The following SORCS2 variants were observed in gnomAD, a reference collection of about 807,000 sequenced individuals.
SORCS2 encodes VPS10 domain-containing receptor SorCS2.
SORCS2 carries 100 observed loss-of-function variants against 141.6 expected under a neutral mutation model. The ratio of observed to expected loss-of-function variants is 0.71; its 90% CI spans 0.60 to 0.83. The LOEUF (loss-of-function observed/expected upper bound fraction) is 0.83. SORCS2 is among the 40% of genes least tolerant of loss of function. SORCS2 has a pLI of 0.00. For synonymous variants in SORCS2, 789 were observed against 676.9 expected (o/e 1.17, Z -2.57); for missense variants, 1,646 against 1,560.2 (o/e 1.05, Z -0.93).
chr4:7,731,020 G>A (rs1476184833), intron 23 of SORCS2, among the ~76,000 whole-genome samples: 3 of 152,294 alleles, frequency 2.0e-5, no homozygotes, highest in East Asian at 1.9e-4. Context: ...GTGGTGCCAC[G>A]TCCCATTTTA....
intron 1 of SORCS2, among the ~76,000 whole-genome samples, chr4:7,269,142 C>T (rs979162423): frequency 6.6e-6 from 1 of 151,848 alleles, no homozygotes; most frequent in Admixed American, 6.6e-5. Context: ...CTGTGCTGGG[C>T]TGGGCAAGAG....
At chr4:7,558,114 CT>C (rs1383989285) in intron 3 of SORCS2, among the ~76,000 whole-genome samples, 1 of 152,206 alleles carries the variant, frequency 6.6e-6, no homozygotes, top group African/African-American at 2.4e-5. Flanking sequence ...CCCAGGGCTG[CT>C]TTGGGGTCCT....
chr4:7,324,349 G>A (rs572344865), intron 1 of SORCS2, among the ~76,000 whole-genome samples: 33 of 152,332 alleles, frequency 2.2e-4, no homozygotes, highest in East Asian at 5.8e-4. Flanking sequence ...AGAGCCTCTT[G>A]GGGTGGATGC....
chr4:7,294,419 G>A (rs554847251), intron 1 of SORCS2, among the ~76,000 whole-genome samples: 1 of 152,136 alleles, frequency 6.6e-6, no homozygotes, highest in East Asian at 1.9e-4. Context: ...TCTCCCCGCA[G>A]CCGACCTTCT....
At chr4:7,401,075 A>G (rs1000397690) in intron 2 of SORCS2, among the ~76,000 whole-genome samples, 19 of 152,174 alleles carry the variant, frequency 1.2e-4, no homozygotes, top group South Asian at 6.3e-4. Context: ...GGATGGATGA[A>G]TGGATGGATA....
intron 2 of SORCS2, among the ~76,000 whole-genome samples, chr4:7,475,240 C>G (rs912715515): frequency 6.6e-6 from 1 of 152,044 alleles, no homozygotes; most frequent in African/African-American, 2.4e-5. Flanking sequence ...AAGTCCCAGG[C>G]AGGAAGGAAG....
chr4:7,581,156 G>GA (rs34869505), intron 3 of SORCS2, among the ~76,000 whole-genome samples: 27,129 of 131,274 alleles, frequency 0.21, 2,751 homozygotes, highest in Non-Finnish European at 0.26. Flanking sequence ...TAATTTTTTT[G>GA]AAAAAAAAAA....
chr4:7,492,401 G>A (rs1577653138), intron 2 of SORCS2, among the ~76,000 whole-genome samples: 1 of 152,254 alleles, frequency 6.6e-6, no homozygotes, highest in South Asian at 2.1e-4. Context: ...GGGAATGACA[G>A]GGGTCGTCCC....
chr4:7,413,093 GA>G (rs1166294108), intron 2 of SORCS2, among the ~76,000 whole-genome samples: 1 of 152,094 alleles, frequency 6.6e-6, no homozygotes, highest in Non-Finnish European at 1.5e-5. Context: ...AGTGCTTTAA[GA>G]ATCTCTTCTT....
intron 2 of SORCS2, among the ~76,000 whole-genome samples, chr4:7,401,649 G>C (rs11725369): frequency 0.26 from 39,544 of 152,068 alleles, 6,395 homozygotes; most frequent in Middle Eastern, 0.43. Flanking sequence ...GGGCAGAGTG[G>C]ATTTGAAACA....
intron 18 of SORCS2, among the ~76,000 whole-genome samples, chr4:7,719,689 G>C (rs367724343): frequency 1.1e-4 from 17 of 152,296 alleles, no homozygotes; most frequent in Admixed American, 3.3e-4. Context: ...TGGACCCTCA[G>C]AGTAGACCCC....
intron 3 of SORCS2, among the ~76,000 whole-genome samples, chr4:7,610,553 G>A (rs184865722): frequency 3.3e-5 from 5 of 152,282 alleles, no homozygotes; most frequent in East Asian, 3.9e-4. Flanking sequence ...AGAAACAGCC[G>A]GGCCATAGCT....
chr4:7,601,616 C>CA (rs1168678841), intron 3 of SORCS2, among the ~76,000 whole-genome samples: 12,462 of 44,938 alleles, frequency 0.28, 2,260 homozygotes, highest in Non-Finnish European at 0.37. Context: ...AAGACTCTCT[C>CA]AAAAAAAAAA....
intron 1 of SORCS2, among the ~76,000 whole-genome samples, chr4:7,303,185 G>A (rs1717556551): frequency 6.6e-6 from 1 of 152,212 alleles, no homozygotes. Context: ...CATGGGGTCA[G>A]CCGAGAGACA....
At chr4:7,468,069 T>C (rs1259870059) in intron 2 of SORCS2, among the ~76,000 whole-genome samples, 3 of 152,156 alleles carry the variant, frequency 2.0e-5, no homozygotes, top group Non-Finnish European at 4.4e-5. Context: ...TGCCCCCAGC[T>C]CCCGCATCTG....
At chr4:7,382,627 A>G (rs1242727988) in intron 1 of SORCS2, among the ~76,000 whole-genome samples, 1 of 152,226 alleles carries the variant, frequency 6.6e-6, no homozygotes, top group Non-Finnish European at 1.5e-5. Flanking sequence ...AATTCTTAAC[A>G]GGGTCCACAG....
At chr4:7,628,663 A>C (rs769456225) in intron 3 of SORCS2, among the ~76,000 whole-genome samples, 13 of 152,050 alleles carry the variant, frequency 8.5e-5, no homozygotes, top group Non-Finnish European at 1.5e-5. Flanking sequence ...TTCCCTGACC[A>C]TGTGGCCTCG....
At chr4:7,654,908 A>G (rs1228969722) in intron 5 of SORCS2, among the ~76,000 whole-genome samples, 1 of 152,128 alleles carries the variant, frequency 6.6e-6, no homozygotes, top group Non-Finnish European at 1.5e-5. Context: ...ACTCGAGTGC[A>G]TCCTCAGGGG....
chr4:7,465,248 C>T (rs1352061281), intron 2 of SORCS2, among the ~76,000 whole-genome samples: 1 of 152,226 alleles, frequency 6.6e-6, no homozygotes, highest in Non-Finnish European at 1.5e-5. Flanking sequence ...TCAGGAGCTG[C>T]CAGGGCATGA....
Sources: gnomAD v4.1 joint callset for allele counts (sites outside exome capture counted in the v4.1 genomes callset) on GRCh38, gnomAD v4.1.1 for gene constraint, MANE v1.5 for transcripts, NCBI Gene and HGNC (gene_info 2026-07-23, HGNC 2026-07-21) for gene names.